Variants in LAMA2 observed in about 807,000 individuals in gnomAD.
LAMA2 encodes laminin subunit alpha-2.
In LAMA2, 269 loss-of-function variants were observed where a neutral mutation model predicts 364.8. The observed-to-expected ratio is 0.74, with a 90% CI of 0.67 to 0.82. The LOEUF is 0.82. Among genes scored for constraint, LAMA2 ranks in the 40% least tolerant of loss-of-function variants. The pLI is 0.00. For synonymous variants in LAMA2, 1,379 were observed against 1,370.6 expected (o/e 1.01, Z -0.14); for missense variants, 3,807 against 3,873.2 (o/e 0.98, Z 0.45).
intron 9 of LAMA2, among the ~76,000 whole-genome samples, chr6:129,172,275 T>C (rs979867594): frequency 2.0e-5 from 3 of 152,222 alleles, no homozygotes; most frequent in East Asian, 1.9e-4. Flanking sequence ...TTCCAGTTTT[T>C]CTGTTCTGTT....
chr6:129,058,418 T>C (rs1023709231), intron 2 of LAMA2, among the ~76,000 whole-genome samples: 4 of 149,848 alleles, frequency 2.7e-5, no homozygotes, highest in Non-Finnish European at 5.9e-5. Context: ...CGCCTCCTAT[T>C]TTCTATCTCT....
intron 1 of LAMA2, among the ~76,000 whole-genome samples, chr6:128,993,900 A>C (rs1236152803): frequency 6.6e-6 from 1 of 152,226 alleles, no homozygotes; most frequent in African/African-American, 2.4e-5. Context: ...AGACTAATCA[A>C]CTTGAACAAT....
intron 4 of LAMA2, among the ~76,000 whole-genome samples, 165 bp downstream of exon 4, chr6:129,098,580 T>G (rs1775325360): frequency 6.6e-6 from 1 of 152,188 alleles, no homozygotes; most frequent in Non-Finnish European, 1.5e-5. Context: ...CCTGAGGTGA[T>G]TAGAATTTTA....
intron 1 of LAMA2, among the ~76,000 whole-genome samples, chr6:128,982,955 T>C (rs1393418746): frequency 4.0e-5 from 6 of 150,462 alleles, no homozygotes; most frequent in Admixed American, 2.0e-4. Context: ...CATTTTTTTA[T>C]GGCTGCATAG....
intron 3 of LAMA2, among the ~76,000 whole-genome samples, chr6:129,067,687 C>T (rs1356427524): frequency 6.6e-6 from 1 of 152,164 alleles, no homozygotes; most frequent in Non-Finnish European, 1.5e-5. Flanking sequence ...CACCTCTTTT[C>T]ATCTCTGGCC....
At chr6:129,109,774 TTA>T (rs1156457414) in intron 4 of LAMA2, among the ~76,000 whole-genome samples, 1 of 152,092 alleles carries the variant, frequency 6.6e-6, no homozygotes. Context: ...ACTTTAAAAA[TTA>T]TGTTTTTCTT....
intron 16 of LAMA2, among the ~76,000 whole-genome samples, chr6:129,270,375 T>C (rs1264945225): frequency 6.6e-6 from 1 of 151,638 alleles, no homozygotes; most frequent in African/African-American, 2.4e-5. Context: ...ATTTGCATAA[T>C]GAAAAACATT....
At chr6:129,394,718 T>A (rs537898149) in intron 37 of LAMA2, among the ~76,000 whole-genome samples, 1 of 152,340 alleles carries the variant, frequency 6.6e-6, no homozygotes, top group South Asian at 2.1e-4. Context: ...GAAAATTACC[T>A]GTGTGGAAAG....
chr6:128,980,114 C>G (rs1283767440), intron 1 of LAMA2, among the ~76,000 whole-genome samples: 2 of 152,108 alleles, frequency 1.3e-5, no homozygotes, highest in African/African-American at 4.8e-5. Flanking sequence ...ATATAGCCAC[C>G]TGACAGATCA....
At chr6:129,154,982 A>G (rs1229697405) in intron 8 of LAMA2, among the ~76,000 whole-genome samples, 6 of 152,222 alleles carry the variant, frequency 3.9e-5, no homozygotes, top group African/African-American at 1.4e-4. Flanking sequence ...AGAATTTCAT[A>G]AAAATGAAAT....
At chr6:129,121,950 G>A (rs1190073357) in intron 4 of LAMA2, among the ~76,000 whole-genome samples, 1 of 152,012 alleles carries the variant, frequency 6.6e-6, no homozygotes, top group African/African-American at 2.4e-5. Context: ...CTTCACTGCA[G>A]GAAAAAATAA....
At position 129,347,528 on chromosome 6, in the gene LAMA2, A is replaced by C. The variant is rs924775429; in HGVS notation, c.4437-1770A>C. Among the ~76,000 whole-genome samples the C allele has an allele frequency of 4.6e-5, 7 of 152,302 alleles. No homozygotes were observed. In the East Asian group the frequency reaches 1.4e-3, roughly 29 times the overall value. On this transcript the variant is annotated intron_variant, in intron 30 of 64. Transcript: ENST00000421865. The stretch of plus-strand genomic sequence containing the variant: ...ATGAACTGGGATAAAAACCAGAAGG[A>C]AATGGTTTCCAGGAAGCCCATTTAT...
chr6:129,305,396 C>G (rs910012385), intron 22 of LAMA2, among the ~76,000 whole-genome samples: 1 of 151,748 alleles, frequency 6.6e-6, no homozygotes, highest in Non-Finnish European at 1.5e-5. Flanking sequence ...GTGATCTCAG[C>G]TCACTGCACC....
chr6:129,024,408 C>G, intron 1 of LAMA2, among the ~76,000 whole-genome samples: 1 of 126,942 alleles, frequency 7.9e-6, no homozygotes, highest in South Asian at 2.5e-4. Flanking sequence ...TTTTTTGAGA[C>G]AGTCTCAGTC....
In LAMA2 at chr6:129,403,919, C is replaced by G. The variant is rs144318893; in HGVS notation, c.5825C>G (p.Ala1942Gly). 19 of 1,613,690 alleles carry G rather than the reference C, an allele frequency of 1.2e-5. No individual in the cohort carries two copies. Among genetic ancestry groups the G allele is most frequent in the Non-Finnish European group, 1.6e-5 (19 of 1,179,872 alleles). Residue 1942 changes from alanine (A) to glycine (G), a missense_variant, in exon 40 of 65, where the codon GCC becomes GGC. Around this residue, in one of 3 missense-constraint regions of LAMA2, gnomAD observed 3,333 missense variants for 3,345.7 expected, o/e 1.00. Coordinates refer to ENST00000421865, the MANE Select transcript of LAMA2 (RefSeq NM_000426.4). The part of the protein sequence containing the change: ...KDYIDEAEKV[A>G]KEAKDLAHEA... ...TATATTGATGAAGCTGAGAAAGTTG[C>G]CAAAGAAGCCAAAGATCTTGCACAT...
intron 12 of LAMA2, among the ~76,000 whole-genome samples, chr6:129,200,047 C>T (rs1285560753): frequency 6.6e-6 from 1 of 150,430 alleles, no homozygotes; most frequent in Non-Finnish European, 1.5e-5. Context: ...TCACTGCACT[C>T]CAGCCTGGGG....
chr6:129,032,887 T>G (rs1786338496), intron 1 of LAMA2, among the ~76,000 whole-genome samples: 1 of 152,184 alleles, frequency 6.6e-6, no homozygotes, highest in African/African-American at 2.4e-5. Context: ...AACTAAGATG[T>G]GTTGAGCTTG....
intron 30 of LAMA2, among the ~76,000 whole-genome samples, chr6:129,343,887 G>A (rs535817251): frequency 6.6e-6 from 1 of 152,174 alleles, no homozygotes; most frequent in South Asian, 2.1e-4. Context: ...GATTTTCACT[G>A]GTGGGAATAG....
At chr6:129,060,893 G>A (rs1196273922) in intron 3 of LAMA2, among the ~76,000 whole-genome samples, 7 of 152,142 alleles carry the variant, frequency 4.6e-5, no homozygotes, top group Non-Finnish European at 1.0e-4. Context: ...ACCCATATGG[G>A]CCTCCTCGGG....
Sources: allele counts gnomAD v4.1 joint callset (sites outside exome capture counted in the v4.1 genomes callset), GRCh38; gene constraint gnomAD v4.1.1; regional missense constraint gnomAD v4.1.1; transcripts MANE v1.5; gene names NCBI Gene and HGNC (gene_info 2026-07-23, HGNC 2026-07-21).